Variants in OLA1 observed in about 807,000 individuals in gnomAD.
OLA1 encodes the protein Obg like ATPase 1, also known as obg-like ATPase 1.
In OLA1, 14 loss-of-function variants were observed where a neutral mutation model predicts 48.4. The observed-to-expected ratio is 0.29, with a 90% CI of 0.19 to 0.45. The LOEUF is 0.45. Among genes scored for constraint, OLA1 ranks in the 20% least tolerant of loss-of-function variants. The probability of loss-of-function intolerance (pLI) is 1.00; values close to 1 mark genes in which losing one functional copy is unlikely to be tolerated. For synonymous variants in OLA1, 127 were observed against 150.4 expected (o/e 0.84, Z 1.14); for missense variants, 325 against 467.1 (o/e 0.70, Z 2.80).
chr2:174,170,507 A>T (rs1558988030), intron 4 of OLA1, among the ~76,000 whole-genome samples: 1 of 152,258 alleles, frequency 6.6e-6, no homozygotes. Context: ...TATCAAGTCC[A>T]TTAGACAATG....
At chr2:174,160,282 C>A (rs1457851640) in intron 4 of OLA1, among the ~76,000 whole-genome samples, 1 of 152,036 alleles carries the variant, frequency 6.6e-6, no homozygotes, top group Admixed American at 6.6e-5. Flanking sequence ...AAATTCTATA[C>A]AAAATTGTAA....
At chr2:174,247,092 A>T (rs2105470715) in intron 1 of OLA1, 1 of 212,930 alleles carries the variant, frequency 4.7e-6, no homozygotes, top group East Asian at 1.0e-4. Context: ...ACGGTGGCTC[A>T]GGCCTGTAAT....
intron 9 of OLA1, 195 bp downstream of exon 9, chr2:174,080,957 T>C: frequency 3.7e-6 from 2 of 544,662 alleles, no homozygotes; most frequent in South Asian, 4.2e-5. Context: ...GCAGAATCAA[T>C]TGTTACCTGC....
chr2:174,142,097 T>C, intron 4 of OLA1, 97 bp from the exon 5 acceptor site: 3 of 1,070,354 alleles, frequency 2.8e-6, no homozygotes, highest in Non-Finnish European at 4.1e-6. Context: ...CAAATAAATA[T>C]AATAAATAAA....
intron 4 of OLA1, among the ~76,000 whole-genome samples, chr2:174,190,944 CAAAAAAAA>C (rs774971306): frequency 2.4e-4 from 8 of 32,892 alleles, no homozygotes; most frequent in Non-Finnish European, 3.8e-4. Context: ...GACTTCGTCT[CAAAAAAAA>C]AAAAAAAAAA....
intron 4 of OLA1, among the ~76,000 whole-genome samples, chr2:174,203,607 A>G (rs1688039776): frequency 6.6e-6 from 1 of 150,474 alleles, no homozygotes; most frequent in South Asian, 2.1e-4. Flanking sequence ...GGTCTCTATC[A>G]GCTTTAGAAA....
At chr2:174,180,337 T>C (rs1687504601) in intron 4 of OLA1, among the ~76,000 whole-genome samples, 1 of 152,200 alleles carries the variant, frequency 6.6e-6, no homozygotes, top group African/African-American at 2.4e-5. Flanking sequence ...GACTACAAAA[T>C]GCTGGGATCA....
chr2:174,167,418 A>G (rs1687192730), intron 4 of OLA1, among the ~76,000 whole-genome samples: 1 of 152,196 alleles, frequency 6.6e-6, no homozygotes, highest in African/African-American at 2.4e-5. Context: ...TCTACTAAAA[A>G]TGCAAAAATT....
chr2:174,121,836 C>T (rs577246963), intron 7 of OLA1, among the ~76,000 whole-genome samples: 3 of 152,076 alleles, frequency 2.0e-5, no homozygotes, highest in Non-Finnish European at 4.4e-5. Context: ...CTGTAATCAT[C>T]CAAATACAGG....
At chr2:174,170,189 C>A (rs990367312) in intron 4 of OLA1, among the ~76,000 whole-genome samples, 1 of 152,030 alleles carries the variant, frequency 6.6e-6, no homozygotes, top group Non-Finnish European at 1.5e-5. Flanking sequence ...GCCGAGATCG[C>A]GCCACTGCAC....
intron 4 of OLA1, among the ~76,000 whole-genome samples, chr2:174,151,876 C>T (rs1686756859): frequency 6.6e-6 from 1 of 152,028 alleles, no homozygotes; most frequent in African/African-American, 2.4e-5. Flanking sequence ...GGACGAGGGA[C>T]GAGGTATAAA....
intron 5 of OLA1, among the ~76,000 whole-genome samples, chr2:174,132,198 A>G (rs1686198551): frequency 6.6e-6 from 1 of 152,088 alleles, no homozygotes; most frequent in African/African-American, 2.4e-5. Flanking sequence ...AATCTACAGT[A>G]ACACATTTTC....
At position 174,190,671 on chromosome 2, in the gene OLA1, T is replaced by C. The variant is rs558090758; in HGVS notation, c.373+32362A>G. ...GCACAATATTAAGAACAGATTTTGA[T>C]CAACCACACATTAGTAATTATCAAA... On this transcript the variant is annotated intron_variant, in intron 4 of 10. Transcript: ENST00000284719. Among the ~76,000 whole-genome samples the C allele has an allele frequency of 3.9e-5, 6 of 152,098 alleles. No individual in the cohort carries two copies. In the East Asian group the frequency reaches 1.2e-3, roughly 29 times the overall value.
intron 4 of OLA1, among the ~76,000 whole-genome samples, chr2:174,197,928 T>C (rs113296916): frequency 2.0e-5 from 3 of 152,362 alleles, no homozygotes; most frequent in African/African-American, 7.2e-5. Context: ...TTTCAAATGA[T>C]CACGTAGCTG....
chr2:174,223,959 TAAG>T (rs1416677468), intron 3 of OLA1, among the ~76,000 whole-genome samples: 1 of 152,136 alleles, frequency 6.6e-6, no homozygotes, highest in Non-Finnish European at 1.5e-5. Flanking sequence ...AATGGAGATT[TAAG>T]TATATCAATA....
chr2:174,242,443 C>T (rs1689025033), intron 2 of OLA1, among the ~76,000 whole-genome samples: 1 of 152,182 alleles, frequency 6.6e-6, no homozygotes, highest in Non-Finnish European at 1.5e-5. Context: ...TGCCATGCAG[C>T]CTGGTTCTTC....
intron 4 of OLA1, among the ~76,000 whole-genome samples, chr2:174,143,485 C>G (rs1208877320): frequency 1.3e-5 from 2 of 152,148 alleles, no homozygotes; most frequent in Non-Finnish European, 2.9e-5. Flanking sequence ...ACAAATAACA[C>G]TGTAACTTAC....
chr2:174,221,266 T>TC (rs75822153), intron 4 of OLA1, among the ~76,000 whole-genome samples: 50 of 151,390 alleles, frequency 3.3e-4, no homozygotes, highest in Admixed American at 1.4e-3. Flanking sequence ...CAAATTCATT[T>TC]CCCCCCCCAC....
Position 174,204,876 on chromosome 2 carries a change from T to A in OLA1, c.373+18157A>T, listed in dbSNP as rs531420171. 2.6e-5 allele frequency among the ~76,000 whole-genome samples: 4 copies of A among 152,256 alleles called. No homozygotes were observed. In the South Asian group the frequency reaches 8.3e-4, roughly 32 times the overall value. On this transcript the variant is annotated intron_variant, in intron 4 of 10. Coordinates refer to ENST00000284719, the MANE Select transcript of OLA1 (RefSeq NM_013341.5). ...TTCTCCGAGAATCAGTTTCCCCATC[T>A]CTAAAATGCGGTAATAATATGAAAT...
Sources: allele counts gnomAD v4.1 joint callset (sites outside exome capture counted in the v4.1 genomes callset), GRCh38; gene constraint gnomAD v4.1.1; transcripts MANE v1.5; gene names NCBI Gene and HGNC (gene_info 2026-07-23, HGNC 2026-07-21).